HECTD2: variants seen among roughly 807,000 people sequenced by gnomAD.
HECTD2 encodes probable E3 ubiquitin-protein ligase HECTD2.
HECTD2 carries 35 observed loss-of-function variants against 103.2 expected under a neutral mutation model. The ratio of observed to expected loss-of-function variants is 0.34; its 90% CI spans 0.26 to 0.45. The LOEUF (loss-of-function observed/expected upper bound fraction) is 0.45. HECTD2 is among the 20% of genes least tolerant of loss of function. HECTD2 has a pLI of 1.00. For synonymous variants in HECTD2, 281 were observed against 329.9 expected, an observed-to-expected ratio of 0.85 and a Z score of 1.61; for missense variants, 596 against 937.4, an observed-to-expected ratio of 0.64 and a Z score of 4.76.
In HECTD2 at chr10:91,498,308, C is replaced by CT. The variant is rs548840025; in HGVS notation, c.1755+128dup. 27 of 642,866 alleles carry CT rather than the reference C, an allele frequency of 4.2e-5. 1 individual carries two copies. In the South Asian group the frequency reaches 5.4e-4, roughly 13 times the overall value. The allele number at this position is 642,866 out of a possible 1,614,324, so 39.8% of individuals were successfully genotyped here. ...TTAACCAATACATACAATCCTCTGTCTTAAAGGACCTTAACCTGATAAAGT... is the reference window on the plus strand; with the variant it reads ...TTAACCAATACATACAATCCTCTGTCTTTAAAGGACCTTAACCTGATAAAGT... On this transcript the variant is annotated intron_variant, in intron 16 of 20. Transcript: ENST00000298068.
At chr10:91,506,705 A>G (rs1470002318) in intron 20 of HECTD2, among the ~76,000 whole-genome samples, 1 of 151,958 alleles carries the variant, frequency 6.6e-6, no homozygotes, top group Non-Finnish European at 1.5e-5. Flanking sequence ...ACAAGGAGGA[A>G]CTGGTACCAT....
chr10:91,471,557 G>C (rs1050668442), intron 5 of HECTD2, among the ~76,000 whole-genome samples: 2 of 152,132 alleles, frequency 1.3e-5, no homozygotes, highest in African/African-American at 4.8e-5. Context: ...TCTATACCTA[G>C]AAAACCCCAA....
intron 1 of HECTD2, among the ~76,000 whole-genome samples, chr10:91,415,642 T>A (rs973704669): frequency 2.0e-5 from 3 of 152,218 alleles, no homozygotes; most frequent in African/African-American, 7.2e-5. Flanking sequence ...CGACTCATGT[T>A]CTTTGCCCAA....
chr10:91,428,436 T>G (rs371196542), intron 2 of HECTD2, among the ~76,000 whole-genome samples: 8 of 150,478 alleles, frequency 5.3e-5, no homozygotes, highest in African/African-American at 9.8e-5. Flanking sequence ...AGCTTGATGG[T>G]GATGGCATTG....
At chr10:91,500,886 T>C (rs1427387678) in intron 19 of HECTD2, among the ~76,000 whole-genome samples, 6 of 152,190 alleles carry the variant, frequency 3.9e-5, no homozygotes, top group Non-Finnish European at 5.9e-5. Flanking sequence ...ATTTCATGGA[T>C]GCTATCCTTG....
intron 3 of HECTD2, 56 bp downstream of exon 3, chr10:91,460,621 A>G (rs1279158227): frequency 2.0e-5 from 30 of 1,475,934 alleles, no homozygotes; most frequent in African/African-American, 1.0e-4. Context: ...AGCACTTTAC[A>G]TAATTTAATA....
intron 1 of HECTD2, among the ~76,000 whole-genome samples, chr10:91,420,762 C>T (rs1843327646): frequency 6.6e-6 from 1 of 152,006 alleles, no homozygotes; most frequent in Non-Finnish European, 1.5e-5. Flanking sequence ...TTCTATATTC[C>T]CCTGTCTAAA....
chr10:91,428,286 A>C (rs1843665774), intron 2 of HECTD2, among the ~76,000 whole-genome samples: 2 of 151,322 alleles, frequency 1.3e-5, no homozygotes, highest in South Asian at 4.2e-4. Context: ...GTAGCCTTGT[A>C]GTATAGTTTG....
chr10:91,464,078 A>G (rs1470434662), intron 5 of HECTD2, among the ~76,000 whole-genome samples: 5 of 152,250 alleles, frequency 3.3e-5, no homozygotes, highest in Non-Finnish European at 5.9e-5. Flanking sequence ...GATCTTCAGC[A>G]GAATGACATC....
chr10:91,497,313 G>GAC lies in HECTD2; in HGVS notation c.1681-793_1681-792dup, dbSNP rs199866659. On this transcript the variant is annotated intron_variant, in intron 15 of 20. Transcript: ENST00000298068. The stretch of plus-strand genomic sequence containing the variant: ...TTTTTTTTTTTTTTTTTCTGCCCAA[G>GAC]ACAGTCTTGCTCTGTTGTCCAGGCT... Among the ~76,000 whole-genome samples, 673 of 109,696 alleles carry GAC rather than the reference G, an allele frequency of 6.1e-3. 17 individuals are homozygous for GAC. Among genetic ancestry groups the GAC allele is most frequent in the African/African-American group, 0.039 (643 of 16,660 alleles). 72.0% of individuals were successfully genotyped at this position (109,696 alleles called of 152,430 possible).
rs190007922 is a variant in HECTD2 at position 91,419,090 on chromosome 10, T to C, written c.139-6191T>C. Among the ~76,000 whole-genome samples the C allele has an allele frequency of 2.2e-3, 338 of 152,284 alleles. 4 individuals are homozygous for C. The highest frequency in any genetic ancestry group is 3.7e-3 in the Non-Finnish European group (250 of 67,998). On this transcript the variant is annotated intron_variant, in intron 1 of 20. Coordinates refer to ENST00000298068, the MANE Select transcript of HECTD2 (RefSeq NM_182765.6). ...CATTTCGTGATGGAACAGCCAGCAC[T>C]TACTCCTTTTTTCAAGGATTGGGTT...
At chr10:91,417,598 G>A (rs1021110577) in intron 1 of HECTD2, among the ~76,000 whole-genome samples, 15 of 150,390 alleles carry the variant, frequency 1.0e-4, no homozygotes, top group South Asian at 2.2e-4. Context: ...TCCCACCTAC[G>A]AGTGAGAACA....
At chr10:91,432,156 G>C (rs931398372) in intron 2 of HECTD2, among the ~76,000 whole-genome samples, 1 of 151,896 alleles carries the variant, frequency 6.6e-6, no homozygotes, top group Admixed American at 6.6e-5. Flanking sequence ...CATGTTTATA[G>C]TTTCTTGATG....
At chr10:91,435,363 TC>T (rs1247252938) in intron 2 of HECTD2, among the ~76,000 whole-genome samples, 1 of 151,952 alleles carries the variant, frequency 6.6e-6, no homozygotes, top group Non-Finnish European at 1.5e-5. Context: ...ATAGGTTCAA[TC>T]TGTGAGGTGA....
At chr10:91,481,842 A>G (rs1031731026) in intron 7 of HECTD2, among the ~76,000 whole-genome samples, 1 of 151,876 alleles carries the variant, frequency 6.6e-6, no homozygotes, top group Non-Finnish European at 1.5e-5. Context: ...AAGGAAAACT[A>G]TATTAAATAA....
chr10:91,470,350 A>G (rs995093419), intron 5 of HECTD2, among the ~76,000 whole-genome samples: 3 of 152,178 alleles, frequency 2.0e-5, no homozygotes, highest in Non-Finnish European at 2.9e-5. Context: ...AAATGAATTC[A>G]TATCAACCAC....
At chr10:91,410,693 G>C in intron 1 of HECTD2, 117 bp downstream of exon 1, 6 of 976,940 alleles carry the variant, frequency 6.1e-6, no homozygotes, top group Non-Finnish European at 8.1e-6. Context: ...TGGCACTCCA[G>C]GGAGACGCAC....
rs1375162149 is a variant in HECTD2, at chr10:91,410,430, C to G, written c.-9C>G. The G allele has an allele frequency of 7.2e-7, 1 of 1,390,614 alleles. No homozygotes were observed. The highest frequency in any genetic ancestry group is 1.5e-5 in the African/African-American group (1 of 66,036). 86.1% of individuals were successfully genotyped at this position (1,390,614 alleles called of 1,614,324 possible). On this transcript the variant is annotated 5_prime_UTR_variant, in exon 1 of 21. Transcript: ENST00000298068. ...GCCGCCGCCTGGCGCTCCCGCCGCC[C>G]GGCCCGACATGAGTGAGGCGGTTCG...
In HECTD2 at chr10:91,410,415, G is replaced by A. The variant is rs1842864889; in HGVS notation, c.-24G>A. On this transcript the variant is annotated 5_prime_UTR_variant, in exon 1 of 21. Transcript: ENST00000298068. Reference sequence around the variant, plus strand: ...AACACTGAGGCCGCCGCCGCCGCCTGGCGCTCCCGCCGCCCGGCCCGACAT... The same window carrying A: ...AACACTGAGGCCGCCGCCGCCGCCTAGCGCTCCCGCCGCCCGGCCCGACAT... The A allele has an allele frequency of 5.9e-6, 8 of 1,362,660 alleles. No homozygotes were observed. The highest frequency in any genetic ancestry group is 2.6e-4 in the Middle Eastern group (1 of 3,816). 84.4% of individuals were successfully genotyped at this position (1,362,660 alleles called of 1,614,324 possible).
Sources: gnomAD v4.1 joint callset for allele counts (sites outside exome capture counted in the v4.1 genomes callset) on GRCh38, gnomAD v4.1.1 for gene constraint, MANE v1.5 for transcripts, NCBI Gene and HGNC (gene_info 2026-07-23, HGNC 2026-07-21) for gene names.